ERCC3: variants seen among roughly 807,000 people sequenced by gnomAD.
ERCC3 encodes the protein general transcription and DNA repair factor IIH helicase/translocase subunit XPB.
In ERCC3, 66 loss-of-function variants were observed where a neutral mutation model predicts 94.2. The observed-to-expected ratio is 0.70, with a 90% confidence interval of 0.57 to 0.86. The LOEUF (loss-of-function observed/expected upper bound fraction) is 0.86, where lower values mean the gene tolerates loss of function less well. Ranked by LOEUF, ERCC3 falls within the 40% of genes least tolerant of loss-of-function variation. The pLI is 0.00. For missense variants in ERCC3, 829 were observed against 987.1 expected (o/e 0.84, Z 2.15); for synonymous variants, 349 against 369.1 (o/e 0.95, Z 0.63).
intron 12 of ERCC3, among the ~76,000 whole-genome samples, chr2:127,267,790 C>T (rs1381432919): frequency 6.6e-6 from 1 of 152,126 alleles, no homozygotes; most frequent in Non-Finnish European, 1.5e-5. Flanking sequence ...CTTGTAGGGC[C>T]AGTCTGGTGA....
chr2:127,282,088 C>CA (rs1684934319), intron 8 of ERCC3, among the ~76,000 whole-genome samples: 1 of 152,130 alleles, frequency 6.6e-6, no homozygotes, highest in Non-Finnish European at 1.5e-5. Flanking sequence ...GCATACTACT[C>CA]AATATATTTT....
At position 127,293,782 on chromosome 2, in the gene ERCC3, G is replaced by T. The variant is rs1280002593; in HGVS notation, c.29-64C>A. 9.4e-6 allele frequency: 15 copies of T among 1,602,578 alleles called. No homozygotes were observed. The East Asian group carries it at 3.1e-4, about 33-fold the overall frequency. Reference sequence around the variant, plus strand: ...CTTCAGGGTTCCCTCCGCACCGCTTGGCAGCATTTCACCTGCGCCGCCGCA... The same window carrying T: ...CTTCAGGGTTCCCTCCGCACCGCTTTGCAGCATTTCACCTGCGCCGCCGCA... On this transcript the variant is annotated intron_variant, in intron 1 of 14. Transcript: ENST00000285398.
intron 8 of ERCC3, among the ~76,000 whole-genome samples, chr2:127,285,396 C>T (rs1476973307): frequency 6.6e-6 from 1 of 152,090 alleles, no homozygotes; most frequent in African/African-American, 2.4e-5. Flanking sequence ...CCTTTCTCTA[C>T]TAAAAATACA....
rs1239018301 is a variant in ERCC3, at chr2:127,293,625, G to A, written c.122C>T (p.Ala41Val). Residue 41 changes from alanine to valine, a missense_variant, in exon 2 of 15, where the codon GCG (alanine) becomes GTG (valine). Coordinates refer to ENST00000285398, the MANE Select transcript of ERCC3 (RefSeq NM_000122.2). ...GNDPQEAVPS[A>V]AGKQVDESGT... ...TGACTCATCCACCTGCTTCCCCGCC[G>A]CCGAGGGAACCGCTTCCTGAGGGTC... The A allele has an allele frequency of 1.2e-6, 2 of 1,613,988 alleles. No homozygotes were observed. Among genetic ancestry groups the A allele is most frequent in the East Asian group, 2.2e-5 (1 of 44,886 alleles).
chr2:127,286,177 A>G (rs1413847846), intron 8 of ERCC3, among the ~76,000 whole-genome samples: 1 of 152,196 alleles, frequency 6.6e-6, no homozygotes, highest in East Asian at 1.9e-4. Flanking sequence ...GATGGAGGAA[A>G]GAAAATATCA....
chr2:127,293,380 T>C, intron 2 of ERCC3, 133 bp downstream of exon 2: 2 of 848,090 alleles, frequency 2.4e-6, no homozygotes, highest in African/African-American at 1.7e-5. Flanking sequence ...TTCCAACGTG[T>C]GTGGATGAAA....
At chr2:127,289,596 T>C (rs1685196366) in intron 5 of ERCC3, 93 bp downstream of exon 5, 1 of 1,599,776 alleles carries the variant, frequency 6.3e-7, no homozygotes, top group Non-Finnish European at 8.6e-7. Flanking sequence ...CCAGCAGGGC[T>C]GCTAGGTTGT....
Position 127,287,079 on chromosome 2 carries a change from C to A in ERCC3, c.1028-62G>T, listed in dbSNP as rs924744898. On this transcript the variant is annotated intron_variant, in intron 7 of 14. Coordinates refer to ENST00000285398, the MANE Select transcript of ERCC3 (RefSeq NM_000122.2). ...GGTTGAAATGAAGGACAGGGACAGG[C>A]AGAATGACTCACAAGTACAGCAATC... The A allele has an allele frequency of 6.1e-6, 8 of 1,308,358 alleles. No individual in the cohort carries two copies. In the African/African-American group the frequency reaches 1.2e-4, roughly 19 times the overall value. The allele number at this position is 1,308,358 out of a possible 1,614,324, so 81.0% of individuals were successfully genotyped here. A position where few individuals can be genotyped will look rare whatever the true frequency, so the allele number is the denominator to read the frequency against.
intron 8 of ERCC3, among the ~76,000 whole-genome samples, chr2:127,281,345 C>T (rs1684905376): frequency 6.6e-6 from 1 of 152,216 alleles, no homozygotes; most frequent in Non-Finnish European, 1.5e-5. Flanking sequence ...GGAAACTCCC[C>T]TCTCCAAACT....
chr2:127,289,261 C>T, intron 6 of ERCC3, 76 bp downstream of exon 6: 1 of 1,329,314 alleles, frequency 7.5e-7, no homozygotes, highest in East Asian at 2.3e-5. Context: ...AGACTACAGG[C>T]AGAGTCGACA....
intron 4 of ERCC3, 177 bp from the exon 5 acceptor site, chr2:127,290,001 G>A: frequency 1.2e-6 from 1 of 852,170 alleles, no homozygotes; most frequent in East Asian, 2.6e-5. Context: ...TTGTGACTTT[G>A]AGGTCAAGTA....
rs1279560335 is a variant in ERCC3 at position 127,264,930 on chromosome 2, C to G, written c.1946-3584G>C. On this transcript the variant is annotated intron_variant, in intron 12 of 14. Transcript: ENST00000285398. The surrounding 1 kb of genome is among the most constrained non-coding windows in gnomAD (Gnocchi z 4.4). ...TGGCACGATCTCAGCTCACTGCAACCTCCACCTCCAGGGTTTAAGCAATTC... is the reference window on the plus strand; with the variant it reads ...TGGCACGATCTCAGCTCACTGCAACGTCCACCTCCAGGGTTTAAGCAATTC... Among the ~76,000 whole-genome samples the G allele has an allele frequency of 1.3e-5, 2 of 151,870 alleles. No individual in the cohort carries two copies. The highest frequency in any genetic ancestry group is 4.8e-5 in the African/African-American group (2 of 41,322).
At chr2:127,267,614 T>C (rs530414344) in intron 12 of ERCC3, among the ~76,000 whole-genome samples, 1 of 152,192 alleles carries the variant, frequency 6.6e-6, no homozygotes, top group Non-Finnish European at 1.5e-5. Flanking sequence ...AAGGTTAATA[T>C]TGAGACATGA....
intron 11 of ERCC3, among the ~76,000 whole-genome samples, chr2:127,272,465 T>C (rs1412693379): frequency 6.6e-6 from 1 of 152,074 alleles, no homozygotes; most frequent in African/African-American, 2.4e-5. Context: ...CCACCACCCA[T>C]CATCAAGGGA....
At position 127,261,367 on chromosome 2, in the gene ERCC3, C is replaced by G. The variant is rs3817088; in HGVS notation, c.1946-21G>C. 22 of 1,422,762 alleles carry G rather than the reference C, an allele frequency of 1.5e-5. No homozygotes were observed. The South Asian group carries it at 2.5e-4, about 16-fold the overall frequency. The allele number at this position is 1,422,762 out of a possible 1,614,324, so 88.1% of individuals were successfully genotyped here. Reference sequence around the variant, plus strand: ...CATCCCTGCAGGAAAAAATGAGAAACGGCAATAAAGAAGACAACATTAGCC... The same window carrying G: ...CATCCCTGCAGGAAAAAATGAGAAAGGGCAATAAAGAAGACAACATTAGCC... On this transcript the variant is annotated intron_variant, in intron 12 of 14. Transcript: ENST00000285398.
At chr2:127,292,422 G>A in intron 3 of ERCC3, 188 bp downstream of exon 3, 1 of 672,506 alleles carries the variant, frequency 1.5e-6, no homozygotes, top group Non-Finnish European at 2.7e-6. Context: ...CTCATGAGAA[G>A]CATGGCCTCA....
chr2:127,289,822 T>C lies in ERCC3; in HGVS notation c.524A>G (p.Tyr175Cys), dbSNP rs1360806711. Residue 175 changes from tyrosine (Y) to cysteine (C), a missense_variant and splice_region_variant, in exon 5 of 15, where the codon TAC becomes TGC. Transcript: ENST00000285398. ...KVKLVLKHNR[Y>C]FVESCHPDVI... ...ATCAGGGTGGCAACTTTCAACGAAG[T>C]ATCTGCAAGCAGGGGAGGAAGAAGG... 1.2e-6 allele frequency: 2 copies of C among 1,613,962 alleles called. No homozygotes were observed. Among genetic ancestry groups the C allele is most frequent in the Non-Finnish European group, 1.7e-6 (2 of 1,180,016 alleles).
rs1193773528 is a variant in ERCC3 at position 127,274,048 on chromosome 2, TCA to T, written c.1731-1089_1731-1088del. On this transcript the variant is annotated intron_variant, in intron 10 of 14. Coordinates refer to ENST00000285398, the MANE Select transcript of ERCC3 (RefSeq NM_000122.2). The surrounding 1 kb of genome is among the most constrained non-coding windows in gnomAD (Gnocchi z 4.0). ...AAAAAATCCAGCCAGGCGCGGTGGCTCACACCTGTAATCCCAGCACTTTGGGA... is the reference window on the plus strand; with the variant it reads ...AAAAAATCCAGCCAGGCGCGGTGGCTCACCTGTAATCCCAGCACTTTGGGA... Among the ~76,000 whole-genome samples the T allele has an allele frequency of 6.6e-6, 1 of 150,600 alleles. No homozygotes were observed. Among genetic ancestry groups the T allele is most frequent in the African/African-American group, 2.4e-5 (1 of 40,910 alleles).
At position 127,294,113 on chromosome 2, in the gene ERCC3, C is replaced by A. The variant is rs759901125; in HGVS notation, c.-32G>T. Reference sequence around the variant, plus strand: ...TACAGCAGCAGAGAGAAGATGACCCCGCTCCCACAGGCCCGCCGCGGCATC... The same window carrying A: ...TACAGCAGCAGAGAGAAGATGACCCAGCTCCCACAGGCCCGCCGCGGCATC... On this transcript the variant is annotated 5_prime_UTR_variant, in exon 1 of 15. Coordinates refer to ENST00000285398, the MANE Select transcript of ERCC3 (RefSeq NM_000122.2). 5 of 1,603,386 alleles carry A rather than the reference C, an allele frequency of 3.1e-6. No individual in the cohort carries two copies. The Admixed American group carries it at 5.0e-5, about 16-fold the overall frequency.
Sources: gnomAD v4.1 joint callset for allele counts (sites outside exome capture counted in the v4.1 genomes callset) on GRCh38, gnomAD v4.1.1 for gene constraint, Gnocchi (gnomAD v3.1) non-coding constraint, MANE v1.5 for transcripts, NCBI Gene and HGNC (gene_info 2026-07-23, HGNC 2026-07-21) for gene names.